ARHGAP20: variants seen among roughly 807,000 people sequenced by gnomAD.
ARHGAP20 encodes the protein Rho GTPase activating protein 20.
In ARHGAP20, 34 loss-of-function variants were observed where a neutral mutation model predicts 73.7. The ratio of observed to expected loss-of-function variants is 0.46; its 90% confidence interval spans 0.35 to 0.61. The LOEUF (loss-of-function observed/expected upper bound fraction) is 0.61, where lower values mean the gene tolerates loss of function less well. Among genes scored for constraint, ARHGAP20 ranks in the 20% least tolerant of loss-of-function variants. The pLI, the probability that ARHGAP20 is intolerant of heterozygous loss-of-function variation, is 0.00. For synonymous variants in ARHGAP20, 523 were observed against 518.2 expected, an observed-to-expected ratio of 1.01 and a Z score of -0.13; for missense variants, 1,314 against 1,420.9, an observed-to-expected ratio of 0.92 and a Z score of 1.21.
intron 14 of ARHGAP20, 72 bp from the exon 15 acceptor site, chr11:110,581,297 A>ACTATGGTGC: frequency 2.1e-6 from 3 of 1,429,958 alleles, no homozygotes; most frequent in Admixed American, 2.5e-5. Context: ...TTAAGAACAA[A>ACTATGGTGC]TTCTCTTTTC....
At chr11:110,649,716 AG>A (rs889629278) in intron 2 of ARHGAP20, among the ~76,000 whole-genome samples, 2 of 152,176 alleles carry the variant, frequency 1.3e-5, no homozygotes. Context: ...ATATGCTAAA[AG>A]TTCACAAAGC....
rs769914124 is a variant in ARHGAP20 at position 110,579,779 on chromosome 11, G to T, written c.3167C>A (p.Ala1056Glu). The change falls in exon 15 of 15, where the codon GCA becomes GAA. Residue 1056 changes from alanine (A) to glutamate (E), a missense_variant. Physicochemically the swap from Ala to Glu is moderately radical, Grantham distance 107. Around this residue, in one of 3 missense-constraint regions of ARHGAP20, gnomAD observed 641 missense variants for 636.9 expected, o/e 1.01. Coordinates refer to ENST00000683387, the MANE Select transcript of ARHGAP20 (RefSeq NM_001384657.1). ...KNWSLKKKAK[A>E]ARPEEEKIAS... is the part of the protein sequence containing the mutation. ...TATTTTCTCTTCCTCTGGTCTGGCT[G>T]CCTTTGCTTTCTTTTTGAGGGACCA... is the stretch of plus-strand genomic sequence containing the variant. 1 of 1,614,082 alleles carries T rather than the reference G, an allele frequency of 6.2e-7. No homozygotes were observed. Among genetic ancestry groups the T allele is most frequent in the South Asian group, 1.1e-5 (1 of 91,086 alleles).
chr11:110,690,800 A>G (rs1565479893), intron 1 of ARHGAP20, among the ~76,000 whole-genome samples, 171 bp from the exon 2 acceptor site: 1 of 152,176 alleles, frequency 6.6e-6, no homozygotes, highest in Non-Finnish European at 1.5e-5. Context: ...GGATAGTTAA[A>G]AAAAAAACAG....
chr11:110,712,451 C>T, upstream of ARHGAP20: 1 of 198,754 alleles, frequency 5.0e-6, no homozygotes, highest in Non-Finnish European at 1.0e-5. Context: ...GGCGACAGCC[C>T]GTCAGCGCCG....
At chr11:110,589,492 G>A (rs1238039341) in intron 11 of ARHGAP20, 5 of 985,308 alleles carry the variant, frequency 5.1e-6, no homozygotes, top group African/African-American at 3.5e-5. Context: ...TGGTTTTCAC[G>A]TTTCAGCCTG....
intron 8 of ARHGAP20, among the ~76,000 whole-genome samples, chr11:110,608,619 G>A (rs1288179994): frequency 6.6e-6 from 1 of 151,984 alleles, no homozygotes; most frequent in Non-Finnish European, 1.5e-5. Flanking sequence ...TAGTAGGTAA[G>A]GGAACAGGAA....
chr11:110,698,427 G>A (rs182011606), intron 1 of ARHGAP20, among the ~76,000 whole-genome samples: 1 of 151,882 alleles, frequency 6.6e-6, no homozygotes, highest in African/African-American at 2.4e-5. Flanking sequence ...GGGAGATACT[G>A]GTTTCATAGA....
At chr11:110,591,318 G>A (rs1039885014) in intron 10 of ARHGAP20, among the ~76,000 whole-genome samples, 1 of 152,182 alleles carries the variant, frequency 6.6e-6, no homozygotes, top group Non-Finnish European at 1.5e-5. Flanking sequence ...AAACGGATGA[G>A]ATGATGACAT....
chr11:110,656,718 A>G (rs79177360), intron 2 of ARHGAP20, among the ~76,000 whole-genome samples: 2,565 of 152,292 alleles, frequency 0.017, 78 homozygotes, highest in African/African-American at 0.058. Context: ...CAACTTTTGC[A>G]TGCTCAGCCA....
At chr11:110,584,545 G>GGTAA (rs764023242) in intron 12 of ARHGAP20, among the ~76,000 whole-genome samples, 2 of 151,814 alleles carry the variant, frequency 1.3e-5, no homozygotes, top group Non-Finnish European at 2.9e-5. Context: ...TTTTTGTAAG[G>GGTAA]GTAAGTTATG....
chr11:110,695,418 C>T (rs747822451), intron 1 of ARHGAP20, among the ~76,000 whole-genome samples: 5 of 151,530 alleles, frequency 3.3e-5, no homozygotes, highest in Non-Finnish European at 7.4e-5. Context: ...AATGGGAAAG[C>T]TTTTATTGCA....
chr11:110,688,034 G>A (rs1179569186), intron 2 of ARHGAP20, among the ~76,000 whole-genome samples: 2 of 152,108 alleles, frequency 1.3e-5, no homozygotes, highest in East Asian at 3.8e-4. Flanking sequence ...AAAATACTTT[G>A]TGCTTATATA....
intron 1 of ARHGAP20, among the ~76,000 whole-genome samples, chr11:110,701,557 C>A (rs1323840641): frequency 2.0e-5 from 3 of 150,532 alleles, no homozygotes; most frequent in East Asian, 1.9e-4. Context: ...ATGGTAGTTT[C>A]TTTTGCTGTG....
At chr11:110,621,131 T>C (rs1197276623) in intron 4 of ARHGAP20, among the ~76,000 whole-genome samples, 2 of 146,342 alleles carry the variant, frequency 1.4e-5, no homozygotes, top group South Asian at 2.2e-4. Context: ...TAGTTTCTAA[T>C]GAAAGGGCCA....
At chr11:110,640,605 C>T (rs1949058045) in intron 2 of ARHGAP20, among the ~76,000 whole-genome samples, 1 of 151,928 alleles carries the variant, frequency 6.6e-6, no homozygotes. Context: ...TGGCAATTAT[C>T]TGTCTTAATG....
At position 110,577,192 on chromosome 11, in the gene ARHGAP20, G is replaced by A; in HGVS notation, c.*2178C>T. Reference sequence around the variant, plus strand: ...ATACACATTTATTACATAACATATGGTAGTAAAATTTGTCAAGATATATTA... The same window carrying A: ...ATACACATTTATTACATAACATATGATAGTAAAATTTGTCAAGATATATTA... On this transcript the variant is annotated 3_prime_UTR_variant, in exon 15 of 15. Transcript: ENST00000683387. 2 of 1,527,112 alleles carry A rather than the reference G, an allele frequency of 1.3e-6. No homozygotes were observed. Among genetic ancestry groups the A allele is most frequent in the Non-Finnish European group, 1.8e-6 (2 of 1,142,020 alleles). 94.6% of individuals were successfully genotyped at this position (1,527,112 alleles called of 1,614,324 possible).
At chr11:110,620,128 T>C (rs1248464273) in intron 4 of ARHGAP20, among the ~76,000 whole-genome samples, 1 of 152,130 alleles carries the variant, frequency 6.6e-6, no homozygotes, top group African/African-American at 2.4e-5. Flanking sequence ...AATTCCTGGA[T>C]TCAAGCAATG....
intron 6 of ARHGAP20, among the ~76,000 whole-genome samples, 163 bp from the exon 7 acceptor site, chr11:110,611,549 G>T (rs776159489): frequency 7.2e-5 from 11 of 152,104 alleles, no homozygotes; most frequent in Non-Finnish European, 1.5e-4. Flanking sequence ...ATTATAATTT[G>T]CTTTCATTCC....
intron 1 of ARHGAP20, among the ~76,000 whole-genome samples, chr11:110,705,244 G>C (rs1268463908): frequency 2.0e-5 from 3 of 152,160 alleles, no homozygotes; most frequent in Non-Finnish European, 2.9e-5. Context: ...ATTGATTGGA[G>C]AGGATTTCAT....
Sources: allele counts gnomAD v4.1 joint callset (sites outside exome capture counted in the v4.1 genomes callset), GRCh38; gene constraint gnomAD v4.1.1; regional missense constraint gnomAD v4.1.1; transcripts MANE v1.5; gene names NCBI Gene and HGNC (gene_info 2026-07-23, HGNC 2026-07-21).